MAML3: variants seen among roughly 807,000 people sequenced by gnomAD.
MAML3 encodes mastermind-like protein 3.
MAML3 carries 27 observed loss-of-function variants against 101.9 expected under a neutral mutation model. That is an observed-to-expected ratio of 0.27 (90% confidence interval 0.20 to 0.37). The LOEUF (loss-of-function observed/expected upper bound fraction) is 0.37. Among genes scored for constraint, MAML3 ranks in the 10% least tolerant of loss-of-function variants. MAML3 has a pLI of 1.00. For synonymous variants in MAML3, 501 were observed against 555.9 expected (o/e 0.90, Z 1.39); for missense variants, 1,316 against 1,444.9 (o/e 0.91, Z 1.45).
intron 1 of MAML3, among the ~76,000 whole-genome samples, chr4:140,123,560 T>C (rs1728641295): frequency 6.6e-6 from 1 of 152,176 alleles, no homozygotes; most frequent in African/African-American, 2.4e-5. Flanking sequence ...TGTTTTCTGG[T>C]TCCTAAGTCT....
intron 2 of MAML3, among the ~76,000 whole-genome samples, chr4:139,778,569 CCTT>C (rs928116800): frequency 3.3e-5 from 5 of 152,214 alleles, no homozygotes; most frequent in African/African-American, 1.2e-4. Context: ...TTACTATTTT[CCTT>C]CTTCTTCATA....
At chr4:139,919,911 A>G (rs1382348077) in intron 1 of MAML3, among the ~76,000 whole-genome samples, 2 of 152,192 alleles carry the variant, frequency 1.3e-5, no homozygotes, top group Non-Finnish European at 2.9e-5. Flanking sequence ...TTAAAGTTGC[A>G]GAGTCAAAAG....
intron 1 of MAML3, among the ~76,000 whole-genome samples, chr4:139,995,670 T>C (rs570749295): frequency 1.3e-5 from 2 of 152,300 alleles, no homozygotes; most frequent in South Asian, 4.1e-4. Flanking sequence ...GTTGGGTCAG[T>C]AGTATGGCTC....
intron 1 of MAML3, among the ~76,000 whole-genome samples, chr4:139,903,036 T>C (rs1338603743): frequency 1.3e-5 from 2 of 152,238 alleles, no homozygotes; most frequent in East Asian, 3.8e-4. Flanking sequence ...ATCCAATGTT[T>C]TCATCTCCTG....
chr4:139,766,275 G>A (rs1465753526), intron 2 of MAML3, among the ~76,000 whole-genome samples: 4 of 152,012 alleles, frequency 2.6e-5, no homozygotes, highest in African/African-American at 9.7e-5. Context: ...GGGTTCAAGC[G>A]ATTCTCCTGC....
chr4:140,123,108 T>TTTC (rs1553977992), intron 1 of MAML3, among the ~76,000 whole-genome samples: 1 of 149,748 alleles, frequency 6.7e-6, no homozygotes. Context: ...TTTTTTTTTT[T>TTTC]GCTCTGTAGC....
intron 1 of MAML3, among the ~76,000 whole-genome samples, chr4:140,038,253 G>T (rs1437451238): frequency 1.3e-5 from 2 of 152,236 alleles, no homozygotes; most frequent in African/African-American, 4.8e-5. Context: ...CCCTGAAGAT[G>T]ATTTGATCTC....
intron 4 of MAML3, among the ~76,000 whole-genome samples, chr4:139,722,885 A>G (rs1728293540): frequency 6.6e-6 from 1 of 152,264 alleles, no homozygotes; most frequent in African/African-American, 2.4e-5. Context: ...ACATGAAAAT[A>G]CTGAAGATAG....
In MAML3 at chr4:139,738,250, T is replaced by C. The variant is rs368452808; in HGVS notation, c.2080-7583A>G. 6.4e-4 allele frequency among the ~76,000 whole-genome samples: 98 copies of C among 152,332 alleles called. 2 individuals carry two copies. The South Asian group carries it at 9.7e-3, about 15-fold the overall frequency. On this transcript the variant is annotated intron_variant, in intron 2 of 4. Transcript: ENST00000509479. The stretch of plus-strand genomic sequence containing the variant: ...CTCCTAAAATAAAGGGGAACAAGAC[T>C]TGTCATGGTCAGGCCAGGCATGGTG...
intron 1 of MAML3, among the ~76,000 whole-genome samples, chr4:140,025,818 G>C (rs540307829): frequency 2.0e-5 from 3 of 152,090 alleles, no homozygotes; most frequent in Non-Finnish European, 4.4e-5. Context: ...AATGAGTCTC[G>C]GATCTCTGCC....
At chr4:139,753,388 T>C (rs202134121) in intron 2 of MAML3, among the ~76,000 whole-genome samples, 2 of 113,224 alleles carry the variant, frequency 1.8e-5, no homozygotes, top group Non-Finnish European at 3.8e-5. Flanking sequence ...ATCTATCTAT[T>C]TTTTGTTAGG....
intron 2 of MAML3, among the ~76,000 whole-genome samples, chr4:139,821,698 C>A (rs1490312663): frequency 6.6e-6 from 1 of 152,226 alleles, no homozygotes; most frequent in Non-Finnish European, 1.5e-5. Context: ...CCACTGGCCA[C>A]TTCCAAGTTC....
chr4:140,080,162 G>A (rs1027824731), intron 1 of MAML3, among the ~76,000 whole-genome samples: 3 of 152,236 alleles, frequency 2.0e-5, no homozygotes, highest in African/African-American at 7.2e-5. Flanking sequence ...AAGTTAAGAT[G>A]TGTAATTAAC....
chr4:139,989,373 G>A (rs372996605), intron 1 of MAML3, among the ~76,000 whole-genome samples: 4 of 152,084 alleles, frequency 2.6e-5, no homozygotes, highest in African/African-American at 4.8e-5. Flanking sequence ...CAGAACCATC[G>A]GCCTCCCCTG....
At chr4:140,086,980 C>T (rs1450775419) in intron 1 of MAML3, among the ~76,000 whole-genome samples, 6 of 151,948 alleles carry the variant, frequency 3.9e-5, no homozygotes, top group East Asian at 3.9e-4. Context: ...GCCAACATGG[C>T]GAAACCCCGT....
intron 1 of MAML3, among the ~76,000 whole-genome samples, chr4:139,905,261 A>T (rs1578590143): frequency 6.6e-6 from 1 of 152,028 alleles, no homozygotes. Flanking sequence ...GGGAGGCTGA[A>T]GTGGGTGGAT....
intron 1 of MAML3, among the ~76,000 whole-genome samples, chr4:139,891,386 C>G (rs963419870): frequency 6.6e-6 from 1 of 152,228 alleles, no homozygotes; most frequent in Non-Finnish European, 1.5e-5. Flanking sequence ...TCAAGCGATT[C>G]TGCTGCCTCA....
chr4:139,860,331 T>C (rs1578634680), intron 2 of MAML3, among the ~76,000 whole-genome samples: 1 of 152,322 alleles, frequency 6.6e-6, no homozygotes, highest in East Asian at 1.9e-4. Context: ...AGAGAGGGGC[T>C]TCTCTTGGCC....
At chr4:140,151,138 C>T (rs558694682) in intron 1 of MAML3, among the ~76,000 whole-genome samples, 16 of 152,180 alleles carry the variant, frequency 1.1e-4, no homozygotes, top group Admixed American at 2.0e-4. Flanking sequence ...CTCCCGCTCC[C>T]TCCCCCACGG....
Sources: gnomAD v4.1 joint callset for allele counts (sites outside exome capture counted in the v4.1 genomes callset) on GRCh38, gnomAD v4.1.1 for gene constraint, MANE v1.5 for transcripts, NCBI Gene and HGNC (gene_info 2026-07-23, HGNC 2026-07-21) for gene names.